Variants in ANKRD18A observed in about 807,000 individuals in gnomAD.
The protein encoded by ANKRD18A is ankyrin repeat domain 18A.
Under a neutral mutation model 110.6 loss-of-function variants are expected in ANKRD18A, and 72 were observed. The observed-to-expected ratio is 0.65, with a 90% CI of 0.54 to 0.79. The LOEUF (loss-of-function observed/expected upper bound fraction) is 0.79. ANKRD18A is among the 30% of genes least tolerant of loss of function. The pLI is 0.00. For missense variants in ANKRD18A, 934 were observed against 1,163.3 expected, an observed-to-expected ratio of 0.80 and a Z score of 2.87; for synonymous variants, 305 against 410.3, an observed-to-expected ratio of 0.74 and a Z score of 3.10.
chr9:38,582,323 C>A (rs1245638202), intron 12 of ANKRD18A, among the ~76,000 whole-genome samples: 1 of 152,096 alleles, frequency 6.6e-6, no homozygotes, highest in East Asian at 1.9e-4. Flanking sequence ...CCTGACTTGC[C>A]ATCATGTCTT....
Position 38,571,756 on chromosome 9 carries a change from C to G in ANKRD18A, c.*289G>C, listed in dbSNP as rs1823653374. On this transcript the variant is annotated 3_prime_UTR_variant, in exon 16 of 16. Coordinates refer to ENST00000399703, the MANE Select transcript of ANKRD18A (RefSeq NM_147195.4). ...TTTGAGTAGGCCAAACTCAATAACG[C>G]TGGTGTTCATTTGCAAGATCCACTT... The G allele has an allele frequency of 1.8e-6, 2 of 1,089,360 alleles. No homozygotes were observed. Among genetic ancestry groups the G allele is most frequent in the Non-Finnish European group, 2.2e-6 (2 of 896,276 alleles). 67.5% of individuals were successfully genotyped at this position (1,089,360 alleles called of 1,614,324 possible).
chr9:38,573,996 A>G (rs1358744886), intron 15 of ANKRD18A, among the ~76,000 whole-genome samples: 2 of 152,136 alleles, frequency 1.3e-5, no homozygotes, highest in African/African-American at 4.8e-5. Context: ...AGTACAATTG[A>G]ACCCATCACA....
intron 1 of ANKRD18A, among the ~76,000 whole-genome samples, chr9:38,617,786 A>G (rs1563980784): frequency 2.0e-5 from 3 of 152,224 alleles, no homozygotes; most frequent in Non-Finnish European, 4.4e-5. Context: ...CCTGAGAGAT[A>G]GTGCAAAATG....
At chr9:38,615,865 T>A (rs1825831647) in intron 2 of ANKRD18A, 65 bp downstream of exon 2, 8 of 1,519,314 alleles carry the variant, frequency 5.3e-6, no homozygotes, top group Non-Finnish European at 7.1e-6. Context: ...ATGAGACAAA[T>A]TCATTTTAAT....
intron 12 of ANKRD18A, among the ~76,000 whole-genome samples, chr9:38,579,479 A>C (rs1053480265): frequency 6.6e-6 from 1 of 152,190 alleles, no homozygotes; most frequent in Non-Finnish European, 1.5e-5. Flanking sequence ...AACAAAAATA[A>C]TCTGAGTTCA....
In ANKRD18A at chr9:38,575,513, G is replaced by A. The variant is rs1190810878; in HGVS notation, c.2927C>T (p.Pro976Leu). The part of the protein sequence containing the change: ...KTAIRIPTSN[P>L]QTSNNCKNFL... Reference sequence around the variant, plus strand: ...GTTCTTGCAGTTATTTGAAGTCTGTGGGTTTGAAGTAGGAATTCTTATGGC... The same window carrying A: ...GTTCTTGCAGTTATTTGAAGTCTGTAGGTTTGAAGTAGGAATTCTTATGGC... Residue 976 changes from proline (P) to leucine (L), a missense_variant, in exon 15 of 16, where the codon CCA (proline) becomes CTA (leucine). Around this residue, in one of 4 missense-constraint regions of ANKRD18A, gnomAD observed 223 missense variants for 226.7 expected, o/e 0.98. Transcript: ENST00000399703. 3 of 1,551,572 alleles carry A rather than the reference G, an allele frequency of 1.9e-6. No homozygotes were observed. The highest frequency in any genetic ancestry group is 2.4e-5 in the East Asian group (1 of 40,884).
downstream of ANKRD18A, chr9:38,569,482 G>A (rs1249379626): frequency 2.0e-6 from 2 of 978,316 alleles, no homozygotes; most frequent in East Asian, 2.3e-4. Context: ...CACAGAGACT[G>A]CTGCGTGTCT....
Position 38,595,899 on chromosome 9 carries a change from C to A in ANKRD18A, c.1441G>T (p.Val481Leu), listed in dbSNP as rs1267486634. Residue 481 changes from valine to leucine, a missense_variant, in exon 9 of 16, where the codon GTG (valine) becomes TTG (leucine). By Grantham distance (32) the Val-to-Leu change is conservative. This residue lies in a region of ANKRD18A where 630 missense variants were observed against 797.5 expected (regional missense o/e 0.79). Transcript: ENST00000399703. The part of the protein sequence containing the change: ...LLTEQVHKAR[V>L]KFNTLKGKLR... ...TTACCTTTTAAGGTATTGAACTTCA[C>A]CCGAGCTTTATGGACCTGTTCAGTA... 1 of 1,551,118 alleles carries A rather than the reference C, an allele frequency of 6.4e-7. No homozygotes were observed. The highest frequency in any genetic ancestry group is 1.4e-5 in the African/African-American group (1 of 73,000).
Position 38,596,132 on chromosome 9 carries a change from G to C in ANKRD18A, c.1208C>G (p.Ser403Ter). 3 of 1,550,668 alleles carry C rather than the reference G, an allele frequency of 1.9e-6. No individual in the cohort carries two copies. Among genetic ancestry groups the C allele is most frequent in the Non-Finnish European group, 2.6e-6 (3 of 1,146,594 alleles). Residue 403 changes from serine to a stop codon, truncating the protein, a stop_gained, in exon 9 of 16, where the codon TCA (serine) becomes TGA (stop). Coordinates refer to ENST00000399703, the MANE Select transcript of ANKRD18A (RefSeq NM_147195.4). LOFTEE classifies it high-confidence loss of function. Reference sequence around the variant, plus strand: ...GTTGTGTTTTTCCTTCTCCAATTCTGAATTCAGCCTTGCATTCTCAGCTTT... The same window carrying C: ...GTTGTGTTTTTCCTTCTCCAATTCTCAATTCAGCCTTGCATTCTCAGCTTT... ...DLKAENARLN[S>*]ELEKEKHNKE...
rs1824858931 is a variant in ANKRD18A at position 38,595,911 on chromosome 9, G to A, written c.1429C>T (p.His477Tyr). 6.4e-7 allele frequency: 1 copy of A among 1,551,106 alleles called. No individual in the cohort carries two copies. Among genetic ancestry groups the A allele is most frequent in the East Asian group, 2.4e-5 (1 of 40,904 alleles). ...DKNELLTEQV[H>Y]KARVKFNTLK... Reference sequence around the variant, plus strand: ...GTATTGAACTTCACCCGAGCTTTATGGACCTGTTCAGTAAGCAACTCATTC... The same window carrying A: ...GTATTGAACTTCACCCGAGCTTTATAGACCTGTTCAGTAAGCAACTCATTC... Residue 477 changes from histidine (H) to tyrosine (Y), a missense_variant, in exon 9 of 16, where the codon CAT (histidine) becomes TAT (tyrosine). This residue lies in a region of ANKRD18A where 630 missense variants were observed against 797.5 expected (regional missense o/e 0.79). Transcript: ENST00000399703.
At chr9:38,613,845 C>T (rs1825742457) in intron 3 of ANKRD18A, among the ~76,000 whole-genome samples, 1 of 152,192 alleles carries the variant, frequency 6.6e-6, no homozygotes, top group African/African-American at 2.4e-5. Flanking sequence ...TTTGCTGACA[C>T]ATAATCACTT....
Position 38,572,038 on chromosome 9 carries a change from C to G in ANKRD18A, c.*7G>C. ...TTCTACAAAAGAAAGTAGACGGGAG[C>G]AAGTGCTCAACATAGCAAAACCTGG... On this transcript the variant is annotated 3_prime_UTR_variant, in exon 16 of 16. Transcript: ENST00000399703. 1 of 1,590,652 alleles carries G rather than the reference C, an allele frequency of 6.3e-7. No individual in the cohort carries two copies. The highest frequency in any genetic ancestry group is 8.5e-7 in the Non-Finnish European group (1 of 1,172,542).
Position 38,610,219 on chromosome 9 carries a change from A to G in ANKRD18A, c.740+54T>C. The stretch of plus-strand genomic sequence containing the variant: ...CTAATGTATAAGATGCAATAGTTAC[A>G]ATTATTTTAAACCTTAATTTAGTAT... On this transcript the variant is annotated intron_variant, in intron 5 of 15. Coordinates refer to ENST00000399703, the MANE Select transcript of ANKRD18A (RefSeq NM_147195.4). 2.7e-6 allele frequency: 4 copies of G among 1,457,388 alleles called. No individual in the cohort carries two copies. In the South Asian group the frequency reaches 6.1e-5, roughly 22 times the overall value. The allele number at this position is 1,457,388 out of a possible 1,614,324, so 90.3% of individuals were successfully genotyped here.
intron 5 of ANKRD18A, 61 bp from the exon 6 acceptor site, chr9:38,607,554 A>G: frequency 2.6e-6 from 3 of 1,172,756 alleles, no homozygotes; most frequent in Non-Finnish European, 3.4e-6. Context: ...ATATTTGCCA[A>G]ACAGATTAAA....
Position 38,601,291 on chromosome 9 carries a change from T to C in ANKRD18A, c.863-87A>G, listed in dbSNP as rs1825109521. 1.4e-5 allele frequency: 18 copies of C among 1,247,112 alleles called. No homozygotes were observed. In the East Asian group the frequency reaches 4.6e-4, roughly 32 times the overall value. 77.3% of individuals were successfully genotyped at this position (1,247,112 alleles called of 1,614,324 possible). A position where few individuals can be genotyped will look rare whatever the true frequency, so the allele number is the denominator to read the frequency against. On this transcript the variant is annotated intron_variant, in intron 7 of 15. Transcript: ENST00000399703. ...TGATACAGAACAACACACACTTTTA[T>C]AAATTGAGAGTTTAAATGAAGCTTA...
Position 38,611,449 on chromosome 9 carries a change from C to T in ANKRD18A, c.496-128G>A, listed in dbSNP as rs1587541203. 2.4e-5 allele frequency: 35 copies of T among 1,454,948 alleles called. No individual in the cohort carries two copies. The East Asian group carries it at 6.9e-4, about 29-fold the overall frequency. 90.1% of individuals were successfully genotyped at this position (1,454,948 alleles called of 1,614,324 possible). A position where few individuals can be genotyped will look rare whatever the true frequency, so the allele number is the denominator to read the frequency against. On this transcript the variant is annotated intron_variant, in intron 3 of 15. Transcript: ENST00000399703. ...AGAGAAAGTAAATGCAAAGCAGTCC[C>T]GTCCCTTTCACTCCTCTGTGCTTTC...
In ANKRD18A at chr9:38,604,178, G is replaced by T. The variant is rs543951727; in HGVS notation, c.809-966C>A. On this transcript the variant is annotated intron_variant, in intron 6 of 15. Transcript: ENST00000399703. ...CTGGGCATGGTCGCATGTGCCTGTTGTCCCAGCTCCTCGGGAGGCTGAGGC... is the reference window on the plus strand; with the variant it reads ...CTGGGCATGGTCGCATGTGCCTGTTTTCCCAGCTCCTCGGGAGGCTGAGGC... 2.7e-5 allele frequency: 4 copies of T among 150,788 alleles called. No homozygotes were observed. The South Asian group carries it at 8.5e-4, about 32-fold the overall frequency. The allele number at this position is 150,788 out of a possible 1,614,324, so 9.3% of individuals were successfully genotyped here.
chr9:38,585,432 T>A (rs1824339225), intron 12 of ANKRD18A, among the ~76,000 whole-genome samples: 1 of 152,158 alleles, frequency 6.6e-6, no homozygotes, highest in Admixed American at 6.6e-5. Context: ...TCATATTGAT[T>A]TATGATTTTC....
chr9:38,595,837 T>A lies in ANKRD18A; in HGVS notation c.1503A>T (p.Thr501=), dbSNP rs1184024985. ...RETRDALREK[T]LALGSVQLDL... is the part of the protein sequence containing the mutation. ...CCAGCTGTACACTTCCTAAAGCCAA[T>A]GTCTTTTCCCTGAGAGCATCTCTTG... The change falls in exon 9 of 16, where the codon ACA becomes ACT. Residue 501 remains threonine (T), a synonymous_variant. Transcript: ENST00000399703. The A allele has an allele frequency of 6.4e-7, 1 of 1,551,150 alleles. No homozygotes were observed. The highest frequency in any genetic ancestry group is 2.4e-5 in the East Asian group (1 of 40,930).
Sources: allele counts gnomAD v4.1 joint callset (sites outside exome capture counted in the v4.1 genomes callset), GRCh38; gene constraint gnomAD v4.1.1; regional missense constraint gnomAD v4.1.1; transcripts MANE v1.5; gene names NCBI Gene and HGNC (gene_info 2026-07-23, HGNC 2026-07-21).